The following DENND2C variants were observed in gnomAD, a reference collection of about 807,000 sequenced individuals.
DENND2C encodes DENN domain containing 2C.
In DENND2C, 72 loss-of-function variants were observed where a neutral mutation model predicts 112.4. The observed-to-expected ratio is 0.64, with a 90% CI of 0.53 to 0.78. DENND2C has a LOEUF of 0.78. Ranked by LOEUF, DENND2C falls within the 30% of genes least tolerant of loss-of-function variation. The pLI, the probability that DENND2C is intolerant of heterozygous loss-of-function variation, is 0.00. For synonymous variants in DENND2C, 329 were observed against 381.6 expected, an observed-to-expected ratio of 0.86 and a Z score of 1.61; for missense variants, 992 against 1,113.8, an observed-to-expected ratio of 0.89 and a Z score of 1.56.
rs55647145 is a variant in DENND2C at position 114,652,661 on chromosome 1, CTTTTTT to C, written c.-317+1838_-317+1843del. Among the ~76,000 whole-genome samples the C allele has an allele frequency of 1.6e-4, 18 of 109,826 alleles. No individual in the cohort carries two copies. The East Asian group carries it at 3.7e-3, about 23-fold the overall frequency. The allele number at this position is 109,826 out of a possible 152,430, so 72.1% of individuals were successfully genotyped here. On this transcript the variant is annotated intron_variant, in intron 2 of 20. Coordinates refer to ENST00000393274, the MANE Select transcript of DENND2C (RefSeq NM_001256404.2). ...CTTACAACTTATAGCCTTACATTTA[CTTTTTT>C]TTTTTTTTTTTTTTTTTTTTAAAGA...
At chr1:114,622,413 G>A (rs2101664284) in intron 6 of DENND2C, among the ~76,000 whole-genome samples, 1 of 152,146 alleles carries the variant, frequency 6.6e-6, no homozygotes, top group East Asian at 1.9e-4. Context: ...ACTGCACCTG[G>A]CCAGCATCAT....
intron 3 of DENND2C, among the ~76,000 whole-genome samples, chr1:114,640,970 G>T (rs955450645): frequency 6.6e-6 from 1 of 152,058 alleles, no homozygotes; most frequent in Non-Finnish European, 1.5e-5. Flanking sequence ...ATTGCTTACT[G>T]ATTGCTATTA....
chr1:114,597,849 A>G (rs1655387328), intron 16 of DENND2C, among the ~76,000 whole-genome samples: 1 of 152,208 alleles, frequency 6.6e-6, no homozygotes. Flanking sequence ...TTTATAAAAG[A>G]TGATATTCAA....
At chr1:114,605,169 T>C in intron 10 of DENND2C, 138 bp from the exon 11 acceptor site, 1 of 576,936 alleles carries the variant, frequency 1.7e-6, no homozygotes, top group East Asian at 2.9e-5. Context: ...CATGGTTTTG[T>C]ACTGCTTAAC....
Position 114,584,986 on chromosome 1 carries a change from A to G in DENND2C, c.*614T>C, listed in dbSNP as rs912916243. On this transcript the variant is annotated 3_prime_UTR_variant, in exon 21 of 21. Transcript: ENST00000393274. ...TTGGAGGAGGAGTTGCAAGATGTCT[A>G]ATTTTATAAGGTACTTAATAACAGT... 3 of 152,218 alleles carry G rather than the reference A, an allele frequency of 2.0e-5. No individual in the cohort carries two copies. Among genetic ancestry groups the G allele is most frequent in the African/African-American group, 7.2e-5 (3 of 41,452 alleles). The allele number at this position is 152,218 out of a possible 1,614,324, so 9.4% of individuals were successfully genotyped here. A position where few individuals can be genotyped will look rare whatever the true frequency, so the allele number is the denominator to read the frequency against.
chr1:114,608,245 G>C (rs1244080888), intron 10 of DENND2C, among the ~76,000 whole-genome samples: 10 of 151,820 alleles, frequency 6.6e-5, no homozygotes, highest in Non-Finnish European at 1.5e-5. Flanking sequence ...CTCCAGCCTG[G>C]GCAACAGAGC....
chr1:114,593,256 T>C (rs1655245194), intron 18 of DENND2C, among the ~76,000 whole-genome samples: 1 of 152,232 alleles, frequency 6.6e-6, no homozygotes, highest in Admixed American at 6.5e-5. Context: ...CCACGCCATT[T>C]ACAACCAACA....
At chr1:114,623,701 T>C in intron 4 of DENND2C, 58 bp from the exon 5 acceptor site, 1 of 1,248,598 alleles carries the variant, frequency 8.0e-7, no homozygotes. Flanking sequence ...TCTTTATTTT[T>C]TAAAATTTTT....
Position 114,601,588 on chromosome 1 carries a change from A to G in DENND2C, c.1738-3T>C, listed in dbSNP as rs1258777828. On this transcript the variant is annotated splice_polypyrimidine_tract_variant and splice_region_variant and intron_variant, in intron 12 of 20. Coordinates refer to ENST00000393274, the MANE Select transcript of DENND2C (RefSeq NM_001256404.2). ...AGTCGCTTTCCTTTGCCTACTGGCT[A>G]AAAGATAAAAACAACAACAACAAAA... The G allele has an allele frequency of 3.1e-6, 5 of 1,610,790 alleles. No individual in the cohort carries two copies. The Admixed American group carries it at 8.4e-5, about 27-fold the overall frequency.
chr1:114,612,166 C>T (rs185818358), intron 8 of DENND2C, among the ~76,000 whole-genome samples: 26 of 152,012 alleles, frequency 1.7e-4, no homozygotes, highest in East Asian at 9.7e-4. Flanking sequence ...AAATTCATAA[C>T]GAAATAAATG....
intron 3 of DENND2C, among the ~76,000 whole-genome samples, chr1:114,644,747 T>C (rs1656932966): frequency 6.6e-6 from 1 of 152,156 alleles, no homozygotes; most frequent in East Asian, 1.9e-4. Context: ...TTTCGATGGC[T>C]TTCTAAGGTC....
At chr1:114,609,614 C>A (rs1027931393) in intron 9 of DENND2C, among the ~76,000 whole-genome samples, 1 of 152,192 alleles carries the variant, frequency 6.6e-6, no homozygotes, top group Non-Finnish European at 1.5e-5. Flanking sequence ...TTTGAGCAAT[C>A]TGGGGTGGTC....
chr1:114,636,468 C>T (rs558391160), intron 3 of DENND2C, among the ~76,000 whole-genome samples: 1 of 152,210 alleles, frequency 6.6e-6, no homozygotes, highest in Non-Finnish European at 1.5e-5. Context: ...GAGTTCAAGA[C>T]CATCGTGGGC....
intron 1 of DENND2C, among the ~76,000 whole-genome samples, chr1:114,661,678 G>A (rs1485035244): frequency 6.6e-6 from 1 of 152,182 alleles, no homozygotes; most frequent in Non-Finnish European, 1.5e-5. Context: ...TTCATTGAAA[G>A]TCTTAATAGT....
chr1:114,653,299 G>A (rs1007294344), intron 2 of DENND2C, among the ~76,000 whole-genome samples: 5 of 151,858 alleles, frequency 3.3e-5, no homozygotes, highest in African/African-American at 7.3e-5. Context: ...AGTAGAGATC[G>A]GGTTTCATCA....
At chr1:114,608,243 TG>T (rs2101653133) in intron 10 of DENND2C, among the ~76,000 whole-genome samples, 1 of 151,588 alleles carries the variant, frequency 6.6e-6, no homozygotes, top group Admixed American at 6.6e-5. Flanking sequence ...CACTCCAGCC[TG>T]GGCAACAGAG....
At chr1:114,643,787 A>G (rs534854264) in intron 3 of DENND2C, among the ~76,000 whole-genome samples, 1 of 152,172 alleles carries the variant, frequency 6.6e-6, no homozygotes, top group Admixed American at 6.6e-5. Flanking sequence ...GTCTGTTGAG[A>G]TATTTGTCAT....
At chr1:114,643,807 T>C (rs1048173058) in intron 3 of DENND2C, among the ~76,000 whole-genome samples, 1 of 150,482 alleles carries the variant, frequency 6.6e-6, no homozygotes, top group African/African-American at 2.5e-5. Context: ...TGGAAATTTT[T>C]TCAGGTTTTT....
Position 114,625,608 on chromosome 1 carries a change from C to G in DENND2C, c.377G>C (p.Ser126Thr). Residue 126 changes from serine (S) to threonine (T), a missense_variant, in exon 4 of 21, where the codon AGC (serine) becomes ACC (threonine). Ser to Thr is a moderately conservative substitution (Grantham distance 58). This residue lies in a region of DENND2C where 470 missense variants were observed against 472.7 expected (regional missense o/e 0.99). Transcript: ENST00000393274. The part of the protein sequence containing the change: ...WVCSRVKEIE[S>T]CKEDVLDPET... ...TGGATCTAAGACATCTTCTTTACAG[C>G]TTTCAATTTCTTTGACCCGAGAACA... 6.2e-7 allele frequency: 1 copy of G among 1,614,072 alleles called. No individual in the cohort carries two copies.
Sources: gnomAD v4.1 joint callset for allele counts (sites outside exome capture counted in the v4.1 genomes callset) on GRCh38, gnomAD v4.1.1 for gene constraint, gnomAD v4.1.1 regional missense constraint, MANE v1.5 for transcripts, NCBI Gene and HGNC (gene_info 2026-07-23, HGNC 2026-07-21) for gene names.